The following NXPH1 variants were observed in gnomAD, a reference collection of about 807,000 sequenced individuals.
NXPH1 encodes the protein neurexophilin 1.
In NXPH1, 5 loss-of-function variants were observed where a neutral mutation model predicts 23.7. That is an observed-to-expected ratio of 0.21 (90% CI 0.11 to 0.44). NXPH1 has a LOEUF of 0.44. NXPH1 is among the 20% of genes least tolerant of loss of function. The pLI is 0.99. For missense variants in NXPH1, 324 were observed against 321.6 expected, an observed-to-expected ratio of 1.01 and a Z score of -0.06; for synonymous variants, 144 against 122.2, an observed-to-expected ratio of 1.18 and a Z score of -1.18.
At chr7:8,711,680 G>A (rs1779798010) in intron 2 of NXPH1, among the ~76,000 whole-genome samples, 1 of 152,138 alleles carries the variant, frequency 6.6e-6, no homozygotes, top group African/African-American at 2.4e-5. Context: ...GTAGGGGTGT[G>A]TATGCATACA....
chr7:8,678,739 A>G (rs960087323), intron 2 of NXPH1, among the ~76,000 whole-genome samples: 1 of 151,842 alleles, frequency 6.6e-6, no homozygotes, highest in Non-Finnish European at 1.5e-5. Flanking sequence ...CACTGCCTGC[A>G]GGTTTGTGGT....
At chr7:8,733,357 A>G (rs1270696429) in intron 2 of NXPH1, among the ~76,000 whole-genome samples, 3 of 152,118 alleles carry the variant, frequency 2.0e-5, no homozygotes, top group East Asian at 3.9e-4. Flanking sequence ...ATGTGTCTTT[A>G]TAGTAGGATG....
intron 2 of NXPH1, among the ~76,000 whole-genome samples, chr7:8,466,429 T>G (rs10277203): frequency 0.072 from 10,993 of 152,190 alleles, 1,164 homozygotes; most frequent in African/African-American, 0.23. Flanking sequence ...AGGAACAGAT[T>G]AGGCTGCTCT....
intron 2 of NXPH1, among the ~76,000 whole-genome samples, chr7:8,736,980 G>T (rs894441783): frequency 6.7e-6 from 1 of 150,300 alleles, no homozygotes; most frequent in African/African-American, 2.5e-5. Flanking sequence ...CTTTCCATTT[G>T]CTTGGTAAAT....
intron 2 of NXPH1, among the ~76,000 whole-genome samples, chr7:8,574,466 T>C (rs183743065): frequency 1.2e-4 from 18 of 152,142 alleles, no homozygotes; most frequent in African/African-American, 4.3e-4. Context: ...CAGTTTAAGA[T>C]TGCTCAGTCT....
At chr7:8,590,396 C>T (rs1381052122) in intron 2 of NXPH1, among the ~76,000 whole-genome samples, 1 of 152,000 alleles carries the variant, frequency 6.6e-6, no homozygotes, top group African/African-American at 2.4e-5. Flanking sequence ...ATAAAACAGT[C>T]GACTGGCCAA....
intron 2 of NXPH1, among the ~76,000 whole-genome samples, chr7:8,539,144 A>AG (rs888970923): frequency 2.6e-5 from 4 of 151,910 alleles, no homozygotes; most frequent in African/African-American, 9.7e-5. Context: ...TCTCCTGGGA[A>AG]GATGGGTAGG....
chr7:8,501,691 A>G (rs947317170), intron 2 of NXPH1, among the ~76,000 whole-genome samples: 16 of 152,082 alleles, frequency 1.1e-4, no homozygotes, highest in Non-Finnish European at 2.1e-4. Flanking sequence ...GGTTTAGAGC[A>G]AGGAGCAAGT....
intron 2 of NXPH1, among the ~76,000 whole-genome samples, chr7:8,575,244 A>T (rs1184315236): frequency 6.6e-6 from 1 of 152,168 alleles, no homozygotes; most frequent in Non-Finnish European, 1.5e-5. Context: ...TTATGACACA[A>T]AAGGGAAAAA....
In NXPH1 at chr7:8,434,305, A is replaced by T. The variant is rs1487502614; in HGVS notation, c.-561A>T. On this transcript the variant is annotated 5_prime_UTR_variant, in exon 1 of 3. Coordinates refer to ENST00000405863, the MANE Select transcript of NXPH1 (RefSeq NM_152745.3). This position sits in a 1 kb window ranked among gnomAD's most constrained non-coding sequence, Gnocchi z 7.6. Reference sequence around the variant, plus strand: ...AGGACTTGCTCAGTCTCCTCCCCTTAAGTCATTTCCACCATCCTCAGGCAG... The same window carrying T: ...AGGACTTGCTCAGTCTCCTCCCCTTTAGTCATTTCCACCATCCTCAGGCAG... The T allele has an allele frequency of 6.5e-6, 1 of 152,940 alleles. No individual in the cohort carries two copies. Among genetic ancestry groups the T allele is most frequent in the Non-Finnish European group, 1.5e-5 (1 of 68,552 alleles). 9.5% of individuals were successfully genotyped at this position (152,940 alleles called of 1,614,324 possible).
intron 2 of NXPH1, among the ~76,000 whole-genome samples, chr7:8,618,444 C>T (rs1379363687): frequency 2.0e-5 from 3 of 152,064 alleles, no homozygotes; most frequent in East Asian, 1.9e-4. Flanking sequence ...AGCCAATGAG[C>T]GTAAAGGTAA....
chr7:8,689,318 G>GA (rs56942123), intron 2 of NXPH1, among the ~76,000 whole-genome samples: 47 of 148,142 alleles, frequency 3.2e-4, no homozygotes, highest in Non-Finnish European at 4.6e-4. Flanking sequence ...CAGATGAAGT[G>GA]AAAAAAAAAA....
chr7:8,509,766 C>G (rs1817584367), intron 2 of NXPH1, among the ~76,000 whole-genome samples: 1 of 152,082 alleles, frequency 6.6e-6, no homozygotes, highest in South Asian at 2.1e-4. Context: ...ACCCATGAAA[C>G]AGTTAACACA....
intron 2 of NXPH1, among the ~76,000 whole-genome samples, chr7:8,602,783 TC>T (rs1819389152): frequency 6.6e-6 from 1 of 152,152 alleles, no homozygotes; most frequent in African/African-American, 2.4e-5. Flanking sequence ...AATATCATGT[TC>T]CTGTTGGCTG....
intron 2 of NXPH1, among the ~76,000 whole-genome samples, chr7:8,658,835 A>T (rs1820622250): frequency 6.6e-6 from 1 of 152,198 alleles, no homozygotes; most frequent in Non-Finnish European, 1.5e-5. Context: ...AGTCAGCGTG[A>T]GGTAGAATAG....
At chr7:8,618,081 G>A (rs1395239966) in intron 2 of NXPH1, among the ~76,000 whole-genome samples, 1 of 152,062 alleles carries the variant, frequency 6.6e-6, no homozygotes, top group African/African-American at 2.4e-5. Context: ...CTAAACTGAT[G>A]AGTGTCACTC....
In NXPH1 at chr7:8,469,969, G is replaced by A. The variant is rs375647641; in HGVS notation, c.54+34202G>A. On this transcript the variant is annotated intron_variant, in intron 2 of 2. Transcript: ENST00000405863. The stretch of plus-strand genomic sequence containing the variant: ...TTTCCTAATTCTGACTGCTTCCAAA[G>A]CCCATGTCCCTCTCATTCTACTAAA... 1.1e-4 allele frequency among the ~76,000 whole-genome samples: 16 copies of A among 152,224 alleles called. No homozygotes were observed. The East Asian group carries it at 2.9e-3, about 28-fold the overall frequency.
At chr7:8,436,706 A>G (rs1188083883) in intron 2 of NXPH1, among the ~76,000 whole-genome samples, 1 of 152,190 alleles carries the variant, frequency 6.6e-6, no homozygotes, top group East Asian at 1.9e-4. Flanking sequence ...CCCATAGCCC[A>G]TCCTGGGCTG....
At chr7:8,723,331 G>C (rs1212257557) in intron 2 of NXPH1, among the ~76,000 whole-genome samples, 1 of 152,084 alleles carries the variant, frequency 6.6e-6, no homozygotes, top group East Asian at 1.9e-4. Flanking sequence ...ACCACATTAG[G>C]ATCAAATTTC....
Sources: gnomAD v4.1 joint callset for allele counts (sites outside exome capture counted in the v4.1 genomes callset) on GRCh38, gnomAD v4.1.1 for gene constraint, Gnocchi (gnomAD v3.1) non-coding constraint, MANE v1.5 for transcripts, NCBI Gene and HGNC (gene_info 2026-07-23, HGNC 2026-07-21) for gene names.